Variants in TLR4 observed in about 807,000 individuals in gnomAD.
The protein encoded by TLR4 is toll like receptor 4.
A neutral mutation model predicts 27.4 loss-of-function variants in TLR4; 17 were observed. That is an observed-to-expected ratio of 0.62 (90% CI 0.42 to 0.93). The LOEUF is 0.93. Ranked by LOEUF, TLR4 falls within the 40% of genes least tolerant of loss-of-function variation. The probability of loss-of-function intolerance (pLI) is 0.00; values close to 1 mark genes in which losing one functional copy is unlikely to be tolerated. For synonymous variants in TLR4, 363 were observed against 365.7 expected (o/e 0.99, Z 0.08); for missense variants, 926 against 962.3 (o/e 0.96, Z 0.50).
Position 117,713,224 on chromosome 9 carries a change from G to T in TLR4, c.1096G>T (p.Ala366Ser). Reference protein sequence around the residue: ...LTFTSNKGGNAFSEVDLPSLE... With the variant: ...LTFTSNKGGNSFSEVDLPSLE... ...TTTCACTTCCAACAAAGGTGGGAATGCTTTTTCAGAAGTTGATCTACCAAG... is the reference window on the plus strand; with the variant it reads ...TTTCACTTCCAACAAAGGTGGGAATTCTTTTTCAGAAGTTGATCTACCAAG... Residue 366 changes from alanine (A) to serine (S), a missense_variant, in exon 3 of 3, where the codon GCT becomes TCT. By Grantham distance (99) the Ala-to-Ser change is moderately conservative. Transcript: ENST00000355622. 1 of 1,613,994 alleles carries T rather than the reference G, an allele frequency of 6.2e-7. No homozygotes were observed.
rs1377541929 is a variant in TLR4 at position 117,723,989 on chromosome 9, T to C, written c.*9341T>C. ...TCTTCATAAATTTCACAGTTGTGGA[T>C]TGATAAAAACAGAGAACTCTGGTTC... On this transcript the variant is annotated 3_prime_UTR_variant, in exon 3 of 3. Transcript: ENST00000355622. 2.0e-5 allele frequency: 3 copies of C among 152,234 alleles called. No homozygotes were observed. Among genetic ancestry groups the C allele is most frequent in the Admixed American group, 1.3e-4 (2 of 15,282 alleles). The allele number at this position is 152,234 out of a possible 1,614,324, so 9.4% of individuals were successfully genotyped here.
At chr9:117,706,798 A>G (rs1186099007) in intron 1 of TLR4, among the ~76,000 whole-genome samples, 3 of 152,132 alleles carry the variant, frequency 2.0e-5, no homozygotes, top group South Asian at 2.1e-4. Flanking sequence ...TTCTAAGCCT[A>G]TTTTATGGCC....
At position 117,719,897 on chromosome 9, in the gene TLR4, GT is replaced by G. The variant is rs2131179702; in HGVS notation, c.*5251del. The stretch of plus-strand genomic sequence containing the variant: ...GAGCACCATGCGTGATCATCTGATC[GT>G]TACTGCTACCTTGTGAGTTAAAGGC... On this transcript the variant is annotated 3_prime_UTR_variant, in exon 3 of 3. Transcript: ENST00000355622. 6.6e-6 allele frequency: 1 copy of G among 152,242 alleles called. No individual in the cohort carries two copies. Among genetic ancestry groups the G allele is most frequent in the South Asian group, 2.1e-4 (1 of 4,822 alleles). The allele number at this position is 152,242 out of a possible 1,614,324, so 9.4% of individuals were successfully genotyped here. A position where few individuals can be genotyped will look rare whatever the true frequency, so the allele number is the denominator to read the frequency against.
Position 117,714,054 on chromosome 9 carries a change from T to G in TLR4, c.1926T>G (p.Leu642=), listed in dbSNP as rs1238191959. 6.2e-7 allele frequency: 1 copy of G among 1,614,016 alleles called. No individual in the cohort carries two copies. The change falls in exon 3 of 3, where the codon CTT becomes CTG. Residue 642 remains leucine (L), a synonymous_variant. Coordinates refer to ENST00000355622, the MANE Select transcript of TLR4 (RefSeq NM_138554.5). ...TTGGTGTGTCGGTCCTCAGTGTGCT[T>G]GTAGTATCTGTTGTAGCAGTTCTGG... The part of the protein sequence containing the change: ...TIIGVSVLSV[L]VVSVVAVLVY...
In TLR4 at chr9:117,713,508, A is replaced by G. The variant is rs536916269; in HGVS notation, c.1380A>G (p.Arg460=). 2 of 1,614,152 alleles carry G rather than the reference A, an allele frequency of 1.2e-6. No homozygotes were observed. The highest frequency in any genetic ancestry group is 3.3e-5 in the Admixed American group (2 of 60,004). Reference sequence around the variant, plus strand: ...TTGACATTTCTCATACTCACACCAGAGTTGCTTTCAATGGCATCTTCAATG... The same window carrying G: ...TTGACATTTCTCATACTCACACCAGGGTTGCTTTCAATGGCATCTTCAATG... The part of the protein sequence containing the change: ...IYLDISHTHT[R]VAFNGIFNGL... The change falls in exon 3 of 3, where the codon AGA becomes AGG. Residue 460 remains arginine (R), a synonymous_variant. Coordinates refer to ENST00000355622, the MANE Select transcript of TLR4 (RefSeq NM_138554.5).
At chr9:117,708,787 C>T (rs748552135) in intron 2 of TLR4, 58 bp downstream of exon 2, 117 of 1,596,648 alleles carry the variant, frequency 7.3e-5, no homozygotes, top group Non-Finnish European at 9.9e-5. Flanking sequence ...CCTGTCATTT[C>T]ATTATTGGAC....
chr9:117,714,168 C>T lies in TLR4; in HGVS notation c.2040C>T (p.Tyr680=). The change falls in exon 3 of 3, where the codon TAC becomes TAT. Residue 680 remains tyrosine, a synonymous_variant. Coordinates refer to ENST00000355622, the MANE Select transcript of TLR4 (RefSeq NM_138554.5). ...GENIYDAFVI[Y]SSQDEDWVRN... ...ACATCTATGATGCCTTTGTTATCTA[C>T]TCAAGCCAGGATGAGGACTGGGTAA... 6.2e-7 allele frequency: 1 copy of T among 1,614,032 alleles called. No homozygotes were observed. The highest frequency in any genetic ancestry group is 8.5e-7 in the Non-Finnish European group (1 of 1,179,978).
rs200405562 is a variant in TLR4 at position 117,708,566 on chromosome 9, G to C, written c.97G>C (p.Val33Leu). Reference protein sequence around the residue: ...PESWEPCVEVVPNITYQCMEL... With the variant: ...PESWEPCVEVLPNITYQCMEL... ...ATGTCATGTGTAATCATTGCAGGTGGTTCCTAATATTACTTATCAATGCAT... is the reference window on the plus strand; with the variant it reads ...ATGTCATGTGTAATCATTGCAGGTGCTTCCTAATATTACTTATCAATGCAT... Residue 33 changes from valine (V) to leucine (L), a missense_variant, in exon 2 of 3, where the codon GTT (valine) becomes CTT (leucine). Coordinates refer to ENST00000355622, the MANE Select transcript of TLR4 (RefSeq NM_138554.5). 5 of 1,613,654 alleles carry C rather than the reference G, an allele frequency of 3.1e-6. No individual in the cohort carries two copies. In the African/African-American group the frequency reaches 6.7e-5, roughly 22 times the overall value.
Position 117,713,451 on chromosome 9 carries a change from A to G in TLR4, c.1323A>G (p.Ser441=). 6.2e-7 allele frequency: 1 copy of G among 1,614,108 alleles called. No homozygotes were observed. The highest frequency in any genetic ancestry group is 8.5e-7 in the Non-Finnish European group (1 of 1,180,008). ...HSNLKQMSEF[S]VFLSLRNLIY... is the part of the protein sequence containing the mutation. ...ATTTGAAACAAATGAGTGAGTTTTC[A>G]GTATTCCTATCACTCAGAAACCTCA... Residue 441 remains serine, a synonymous_variant, in exon 3 of 3, where the codon TCA becomes TCG. Coordinates refer to ENST00000355622, the MANE Select transcript of TLR4 (RefSeq NM_138554.5).
In TLR4 at chr9:117,720,029, C is replaced by T. The variant is rs1218632633; in HGVS notation, c.*5381C>T. 6.6e-6 allele frequency: 1 copy of T among 152,130 alleles called. No individual in the cohort carries two copies. The highest frequency in any genetic ancestry group is 1.5e-5 in the Non-Finnish European group (1 of 68,020). The allele number at this position is 152,130 out of a possible 1,614,324, so 9.4% of individuals were successfully genotyped here. A position where few individuals can be genotyped will look rare whatever the true frequency, so the allele number is the denominator to read the frequency against. On this transcript the variant is annotated 3_prime_UTR_variant, in exon 3 of 3. Coordinates refer to ENST00000355622, the MANE Select transcript of TLR4 (RefSeq NM_138554.5). ...ATCACAATAACATTTGCCGCACCTT[C>T]TGTATTTTTTTTAAGTTGCTAAGCT...
At position 117,715,133 on chromosome 9, in the gene TLR4, T is replaced by C; in HGVS notation, c.*485T>C. ...GGGGCTCCTGATGCAAGATGCCCCTTCCATTTTAAGTCTGTCTCCTTACAG... is the reference window on the plus strand; with the variant it reads ...GGGGCTCCTGATGCAAGATGCCCCTCCCATTTTAAGTCTGTCTCCTTACAG... On this transcript the variant is annotated 3_prime_UTR_variant, in exon 3 of 3. Transcript: ENST00000355622. 5.5e-6 allele frequency: 1 copy of C among 182,750 alleles called. No homozygotes were observed. Among genetic ancestry groups the C allele is most frequent in the Non-Finnish European group, 1.2e-5 (1 of 84,820 alleles). The allele number at this position is 182,750 out of a possible 1,614,324, so 11.3% of individuals were successfully genotyped here. A position where few individuals can be genotyped will look rare whatever the true frequency, so the allele number is the denominator to read the frequency against.
chr9:117,714,291 C>T lies in TLR4; in HGVS notation c.2163C>T (p.Asn721=), dbSNP rs201278798. The T allele has an allele frequency of 1.8e-4, 288 of 1,592,760 alleles. No homozygotes were observed. The highest frequency in any genetic ancestry group is 2.4e-4 in the Non-Finnish European group (281 of 1,164,760). Residue 721 remains asparagine, a synonymous_variant, in exon 3 of 3, where the codon AAC becomes AAT. Coordinates refer to ENST00000355622, the MANE Select transcript of TLR4 (RefSeq NM_138554.5). Reference sequence around the variant, plus strand: ...TTCCCGGTGTGGCCATTGCTGCCAACATCATCCATGAAGGTTTCCATAAAA... The same window carrying T: ...TTCCCGGTGTGGCCATTGCTGCCAATATCATCCATGAAGGTTTCCATAAAA... ...DFIPGVAIAA[N]IIHEGFHKSR... is the part of the protein sequence containing the mutation.
rs114409489 is a variant in TLR4 at position 117,720,909 on chromosome 9, G to C, written c.*6261G>C. 3,750 of 152,038 alleles carry C rather than the reference G, an allele frequency of 0.025. 106 individuals are homozygous for C. The highest frequency in any genetic ancestry group is 0.075 in the East Asian group (386 of 5,126). The allele number at this position is 152,038 out of a possible 1,614,324, so 9.4% of individuals were successfully genotyped here. On this transcript the variant is annotated 3_prime_UTR_variant, in exon 3 of 3. Coordinates refer to ENST00000355622, the MANE Select transcript of TLR4 (RefSeq NM_138554.5). Reference sequence around the variant, plus strand: ...TTTCCCTTTGGACTCTGGGAGGTCTGTTCTCCTCCTCAGAAAGGAATAAAC... The same window carrying C: ...TTTCCCTTTGGACTCTGGGAGGTCTCTTCTCCTCCTCAGAAAGGAATAAAC...
In TLR4 at chr9:117,722,862, A is replaced by G. The variant is rs561071409; in HGVS notation, c.*8214A>G. The G allele has an allele frequency of 2.0e-5, 3 of 152,184 alleles. No individual in the cohort carries two copies. The highest frequency in any genetic ancestry group is 4.4e-5 in the Non-Finnish European group (3 of 68,030). 9.4% of individuals were successfully genotyped at this position (152,184 alleles called of 1,614,324 possible). A position where few individuals can be genotyped will look rare whatever the true frequency, so the allele number is the denominator to read the frequency against. On this transcript the variant is annotated 3_prime_UTR_variant, in exon 3 of 3. Transcript: ENST00000355622. ...CTTTAGTGGTTATATGTTTATTTTC[A>G]TGGTTACTTTTATTTATAATAAATT...
chr9:117,723,400 A>G lies in TLR4; in HGVS notation c.*8752A>G, dbSNP rs1829444000. On this transcript the variant is annotated 3_prime_UTR_variant, in exon 3 of 3. Transcript: ENST00000355622. The stretch of plus-strand genomic sequence containing the variant: ...AAGGCTGTGGAAACAAGACATTGAT[A>G]GTGAAATGGCTCCACCACTAACAGG... 1 of 152,232 alleles carries G rather than the reference A, an allele frequency of 6.6e-6. No homozygotes were observed. The highest frequency in any genetic ancestry group is 1.5e-5 in the Non-Finnish European group (1 of 68,032). The allele number at this position is 152,232 out of a possible 1,614,324, so 9.4% of individuals were successfully genotyped here. A position where few individuals can be genotyped will look rare whatever the true frequency, so the allele number is the denominator to read the frequency against.
At position 117,708,635 on chromosome 9, in the gene TLR4, A is replaced by G. The variant is rs369153844; in HGVS notation, c.166A>G (p.Thr56Ala). The change falls in exon 2 of 3, where the codon ACC (threonine) becomes GCC (alanine). Residue 56 changes from threonine to alanine, a missense_variant. Coordinates refer to ENST00000355622, the MANE Select transcript of TLR4 (RefSeq NM_138554.5). The stretch of plus-strand genomic sequence containing the variant: ...AATCCCCGACAACCTCCCCTTCTCA[A>G]CCAAGAACCTGGACCTGAGCTTTAA... ...YKIPDNLPFS[T>A]KNLDLSFNPL... The G allele has an allele frequency of 7.4e-6, 12 of 1,613,864 alleles. No individual in the cohort carries two copies. The highest frequency in any genetic ancestry group is 1.7e-5 in the Admixed American group (1 of 59,990).
intron 1 of TLR4, among the ~76,000 whole-genome samples, chr9:117,707,810 C>T (rs1006550771): frequency 3.3e-5 from 5 of 152,178 alleles, no homozygotes; most frequent in Non-Finnish European, 7.3e-5. Context: ...TGGGCCATGA[C>T]TAAGGAAGGT....
intron 1 of TLR4, among the ~76,000 whole-genome samples, chr9:117,705,383 A>G (rs577715135): frequency 6.6e-6 from 1 of 152,342 alleles, no homozygotes; most frequent in African/African-American, 2.4e-5. Context: ...AGTTGAGGAT[A>G]TAGGAGAAAA....
chr9:117,704,416 G>C lies in TLR4; in HGVS notation c.-57G>C. ...AACTGCTCGGTCAGACGGTGATAGC[G>C]AGCCACGCATTCACAGGGCCACTGC... On this transcript the variant is annotated 5_prime_UTR_variant, in exon 1 of 3. Coordinates refer to ENST00000355622, the MANE Select transcript of TLR4 (RefSeq NM_138554.5). The C allele has an allele frequency of 6.5e-7, 1 of 1,528,156 alleles. No homozygotes were observed. The highest frequency in any genetic ancestry group is 2.3e-5 in the East Asian group (1 of 44,352). 94.7% of individuals were successfully genotyped at this position (1,528,156 alleles called of 1,614,324 possible).
Sources: gnomAD v4.1 joint callset for allele counts (sites outside exome capture counted in the v4.1 genomes callset) on GRCh38, gnomAD v4.1.1 for gene constraint, MANE v1.5 for transcripts, NCBI Gene and HGNC (gene_info 2026-07-23, HGNC 2026-07-21) for gene names.